EXD3: variants seen among roughly 807,000 people sequenced by gnomAD.
The protein encoded by EXD3 is exonuclease mut-7 homolog.
A neutral mutation model predicts 98.0 loss-of-function variants in EXD3; 92 were observed. The ratio of observed to expected loss-of-function variants is 0.94; its 90% CI spans 0.79 to 1.12. The LOEUF (loss-of-function observed/expected upper bound fraction) is 1.12, where lower values mean the gene tolerates loss of function less well. Ranked by LOEUF, EXD3 falls within the 50% of genes most tolerant of loss-of-function variation. The pLI is 0.00. For synonymous variants in EXD3, 569 were observed against 526.0 expected (o/e 1.08, Z -1.12); for missense variants, 1,222 against 1,191.6 (o/e 1.03, Z -0.38).
intron 3 of EXD3, among the ~76,000 whole-genome samples, chr9:137,382,068 G>GAGGGCGCGCGGTGGAGGTC (rs1462816642): frequency 1.3e-4 from 19 of 143,716 alleles, no homozygotes; most frequent in East Asian, 1.2e-3. Context: ...CGGAGGAGGT[G>GAGGGCGCGCGGTGGAGGTC]AGGGCGCGCG....
In EXD3 at chr9:137,405,704, C is replaced by T. The variant is rs28706537; in HGVS notation, c.-47-10300G>A. On this transcript the variant is annotated intron_variant, in intron 1 of 21. Coordinates refer to ENST00000340951, the MANE Select transcript of EXD3 (RefSeq NM_017820.5). The surrounding 1 kb of genome is among the most constrained non-coding windows in gnomAD (Gnocchi z 4.1). ...AAGCACATTTGATTTTCTTACATCA[C>T]ATTGAAGTAGATCAAGTTCCTGATA... Among the ~76,000 whole-genome samples the T allele has an allele frequency of 3.3e-3, 505 of 152,360 alleles. 4 individuals are homozygous for T. Among genetic ancestry groups the T allele is most frequent in the African/African-American group, 0.012 (485 of 41,576 alleles).
chr9:137,358,924 G>A lies in EXD3; in HGVS notation c.657-2556C>T, dbSNP rs117060504. 9.4e-3 allele frequency among the ~76,000 whole-genome samples: 1,418 copies of A among 150,542 alleles called. 30 individuals are homozygous for A. The highest frequency in any genetic ancestry group is 0.062 in the Middle Eastern group (18 of 292). On this transcript the variant is annotated intron_variant, in intron 7 of 21. Coordinates refer to ENST00000340951, the MANE Select transcript of EXD3 (RefSeq NM_017820.5). ...TGGTTTCAAACTCCTGGCCTTAAGC[G>A]ATCCTCCCACTGCACCTGGCAAGGC...
chr9:137,398,834 G>A (rs1470469669), intron 1 of EXD3, among the ~76,000 whole-genome samples: 8 of 87,428 alleles, frequency 9.2e-5, no homozygotes, highest in Non-Finnish European at 1.5e-4. Context: ...CGTGACACAC[G>A]TGCACCCGCA....
intron 1 of EXD3, among the ~76,000 whole-genome samples, chr9:137,415,589 G>C (rs1050066614): frequency 6.6e-6 from 1 of 152,152 alleles, no homozygotes; most frequent in Admixed American, 6.5e-5. Context: ...GCAGCTCACT[G>C]CCCACAACAC....
chr9:137,419,895 C>T (rs1838418726), intron 1 of EXD3, among the ~76,000 whole-genome samples: 1 of 152,100 alleles, frequency 6.6e-6, no homozygotes, highest in African/African-American at 2.4e-5. Context: ...CGCGGTGGCT[C>T]ATGCCTGTAA....
chr9:137,323,914 C>T, intron 18 of EXD3, 58 bp from the exon 19 acceptor site: 3 of 1,547,570 alleles, frequency 1.9e-6, no homozygotes, highest in Non-Finnish European at 2.6e-6. Context: ...CCTGCCCAGG[C>T]CCAGCCCGCC....
At chr9:137,380,957 G>A (rs1836226870) in intron 3 of EXD3, among the ~76,000 whole-genome samples, 2 of 147,092 alleles carry the variant, frequency 1.4e-5, no homozygotes, top group African/African-American at 5.1e-5. Flanking sequence ...AAAATAGCCA[G>A]GCGTGGTGTT....
intron 1 of EXD3, among the ~76,000 whole-genome samples, chr9:137,410,073 C>T (rs952213172): frequency 6.6e-6 from 1 of 151,570 alleles, no homozygotes; most frequent in East Asian, 1.9e-4. Flanking sequence ...CTACTCGGGA[C>T]GTTGAGGCAG....
chr9:137,317,088 G>T (rs1361411432), intron 19 of EXD3, among the ~76,000 whole-genome samples: 1 of 152,160 alleles, frequency 6.6e-6, no homozygotes, highest in African/African-American at 2.4e-5. Flanking sequence ...CGGGCCTGGA[G>T]GGGGTGGGAA....
chr9:137,314,682 G>A (rs956740155), intron 19 of EXD3, among the ~76,000 whole-genome samples: 7 of 149,694 alleles, frequency 4.7e-5, no homozygotes, highest in Admixed American at 4.0e-4. Flanking sequence ...CCGCTGCCCC[G>A]TCCCCTTTGT....
chr9:137,375,259 G>A (rs1354316717), intron 3 of EXD3, among the ~76,000 whole-genome samples: 2 of 152,122 alleles, frequency 1.3e-5, no homozygotes, highest in South Asian at 2.1e-4. Flanking sequence ...CGCCCGTCTC[G>A]GCCTCCCAAA....
At chr9:137,364,770 G>GTTTTT (rs34642939) in intron 7 of EXD3, among the ~76,000 whole-genome samples, 4 of 132,122 alleles carry the variant, frequency 3.0e-5, no homozygotes, top group East Asian at 2.2e-4. Context: ...TTTGTTCTAT[G>GTTTTT]TTTTTTTTTT....
intron 1 of EXD3, among the ~76,000 whole-genome samples, chr9:137,397,891 C>T (rs1404671172): frequency 1.3e-5 from 2 of 151,940 alleles, no homozygotes; most frequent in African/African-American, 2.4e-5. Flanking sequence ...TGCAGTGAGC[C>T]GAGATCGCAC....
intron 6 of EXD3, chr9:137,367,504 C>T (rs572404119): frequency 3.0e-5 from 5 of 163,970 alleles, no homozygotes; most frequent in African/African-American, 7.2e-5. Context: ...GCCATCCCTG[C>T]AGACACTGTG....
Position 137,324,365 on chromosome 9 carries a change from AT to A in EXD3, c.1999-223del, listed in dbSNP as rs978553859. 4.0e-5 allele frequency among the ~76,000 whole-genome samples: 6 copies of A among 150,610 alleles called. No individual in the cohort carries two copies. Among genetic ancestry groups the A allele is most frequent in the South Asian group, 2.1e-4 (1 of 4,764 alleles). Reference sequence around the variant, plus strand: ...GATTTAATCTTGGCACCACGCAAACATTTTTTTTTCATAATTAGAAACAAAA... The same window carrying A: ...GATTTAATCTTGGCACCACGCAAACATTTTTTTTCATAATTAGAAACAAAA... On this transcript the variant is annotated intron_variant, in intron 17 of 21. Transcript: ENST00000340951. This position sits in a 1 kb window ranked among gnomAD's most constrained non-coding sequence, Gnocchi z 4.1.
At chr9:137,343,716 G>A (rs1391248189) in intron 17 of EXD3, among the ~76,000 whole-genome samples, 2 of 145,796 alleles carry the variant, frequency 1.4e-5, no homozygotes, top group Non-Finnish European at 3.0e-5. Flanking sequence ...AGCCTCCCGA[G>A]TAGCTGGGAA....
At chr9:137,307,564 G>A (rs777029048) in intron 21 of EXD3, 44 bp downstream of exon 21, 160 of 1,602,678 alleles carry the variant, frequency 1.0e-4, no homozygotes, top group South Asian at 2.2e-4. Flanking sequence ...CACCAGGGCC[G>A]CAGAGAAGCA....
rs1834378648 is a variant in EXD3 at position 137,352,799 on chromosome 9, T to C, written c.871-13A>G. On this transcript the variant is annotated splice_polypyrimidine_tract_variant and intron_variant, in intron 10 of 21. Coordinates refer to ENST00000340951, the MANE Select transcript of EXD3 (RefSeq NM_017820.5). Reference sequence around the variant, plus strand: ...GCCCCACCAGGCCCTGTGAGGAGGGTGGCCGTGAGGATGGAGATGGGGACA... The same window carrying C: ...GCCCCACCAGGCCCTGTGAGGAGGGCGGCCGTGAGGATGGAGATGGGGACA... The C allele has an allele frequency of 6.3e-7, 1 of 1,576,950 alleles. No individual in the cohort carries two copies. The highest frequency in any genetic ancestry group is 8.6e-7 in the Non-Finnish European group (1 of 1,163,980).
Position 137,405,310 on chromosome 9 carries a change from C to T in EXD3, c.-47-9906G>A, listed in dbSNP as rs951597781. Among the ~76,000 whole-genome samples, 1 of 152,214 alleles carries T rather than the reference C, an allele frequency of 6.6e-6. No individual in the cohort carries two copies. Among genetic ancestry groups the T allele is most frequent in the Non-Finnish European group, 1.5e-5 (1 of 68,022 alleles). ...CCCAGGGCCAGAGCAGGGGCCAGAG[C>T]CCCAACCCCCGCTGCTTCCCCAACT... is the stretch of plus-strand genomic sequence containing the variant. On this transcript the variant is annotated intron_variant, in intron 1 of 21. Coordinates refer to ENST00000340951, the MANE Select transcript of EXD3 (RefSeq NM_017820.5). This position sits in a 1 kb window ranked among gnomAD's most constrained non-coding sequence, Gnocchi z 4.1.
Sources: gnomAD v4.1 joint callset for allele counts (sites outside exome capture counted in the v4.1 genomes callset) on GRCh38, gnomAD v4.1.1 for gene constraint, Gnocchi (gnomAD v3.1) non-coding constraint, MANE v1.5 for transcripts, NCBI Gene and HGNC (gene_info 2026-07-23, HGNC 2026-07-21) for gene names.